ENTREP2: variants seen among roughly 807,000 people sequenced by gnomAD.
ENTREP2 encodes endosomal transmembrane epsin interactor 2, also known as protein ENTREP2.
At chr15:29,420,219 G>T in the ENTREP2 span, among the ~76,000 whole-genome samples, 2 of 152,184 alleles carry the variant, frequency 1.3e-5, no homozygotes, top group Non-Finnish European at 2.9e-5. Flanking sequence ...GCTAATCAAG[G>T]AAGTAGATAT....
At chr15:29,288,327 C>T in the ENTREP2 span, among the ~76,000 whole-genome samples, 2 of 152,144 alleles carry the variant, frequency 1.3e-5, no homozygotes, top group African/African-American at 2.4e-5. Context: ...GTCTGGGCCA[C>T]GTATGTCACA....
the ENTREP2 span, among the ~76,000 whole-genome samples, chr15:29,139,079 A>T: frequency 6.6e-6 from 1 of 152,080 alleles, no homozygotes; most frequent in African/African-American, 2.4e-5. Flanking sequence ...CAGCAGGGGT[A>T]GGGTGGGCTG....
chr15:29,476,308 C>A, the ENTREP2 span, among the ~76,000 whole-genome samples: 3 of 152,276 alleles, frequency 2.0e-5, no homozygotes, highest in African/African-American at 7.2e-5. Flanking sequence ...GACCACCTGC[C>A]ACTGCCACCC....
At chr15:29,126,980 C>T in the ENTREP2 span, among the ~76,000 whole-genome samples, 86 of 152,274 alleles carry the variant, frequency 5.6e-4, no homozygotes, top group South Asian at 4.1e-3. Flanking sequence ...AGGGTGTGGA[C>T]GCCACGCCAG....
chr15:29,471,363 C>T, the ENTREP2 span, among the ~76,000 whole-genome samples: 4 of 152,248 alleles, frequency 2.6e-5, no homozygotes, highest in African/African-American at 4.8e-5. Flanking sequence ...AGCGGCCCCT[C>T]GAGCTGCAGG....
chr15:29,510,101 T>C, the ENTREP2 span, among the ~76,000 whole-genome samples: 1,020 of 152,294 alleles, frequency 6.7e-3, 12 homozygotes, highest in Non-Finnish European at 0.011. Flanking sequence ...TATGAACAGA[T>C]ACTTTTCAAA....
chr15:29,665,749 A>T, the ENTREP2 span, among the ~76,000 whole-genome samples: 9 of 151,886 alleles, frequency 5.9e-5, no homozygotes, highest in African/African-American at 2.2e-4. Context: ...CTGTGGTTAA[A>T]CACATTTAGA....
the ENTREP2 span, among the ~76,000 whole-genome samples, chr15:29,211,750 A>T: frequency 6.6e-6 from 1 of 152,108 alleles, no homozygotes. Flanking sequence ...TGATTTTTGT[A>T]TTTAATTCTG....
At chr15:29,466,062 CA>C in the ENTREP2 span, among the ~76,000 whole-genome samples, 1 of 152,118 alleles carries the variant, frequency 6.6e-6, no homozygotes, top group African/African-American at 2.4e-5. Flanking sequence ...TCTGTACCGG[CA>C]GAGAGGGCAA....
At chr15:29,134,979 A>G in the ENTREP2 span, among the ~76,000 whole-genome samples, 1 of 152,004 alleles carries the variant, frequency 6.6e-6, no homozygotes, top group Admixed American at 6.6e-5. Context: ...ATCTGGGTAG[A>G]GATAACCATC....
chr15:29,654,832 C>T, the ENTREP2 span, among the ~76,000 whole-genome samples: 1 of 152,166 alleles, frequency 6.6e-6, no homozygotes, highest in Admixed American at 6.5e-5. Flanking sequence ...CTAATACCTC[C>T]TGTTGCAGCT....
chr15:29,314,810 G>C, the ENTREP2 span, among the ~76,000 whole-genome samples: 1 of 152,174 alleles, frequency 6.6e-6, no homozygotes, highest in Non-Finnish European at 1.5e-5. Context: ...CCAGCACTTT[G>C]GGAGGCCGAG....
At chr15:29,389,675 C>T in the ENTREP2 span, among the ~76,000 whole-genome samples, 2 of 152,234 alleles carry the variant, frequency 1.3e-5, no homozygotes, top group African/African-American at 4.8e-5. Context: ...CCGTGGGCAT[C>T]AGGCTCAGCC....
the ENTREP2 span, chr15:29,374,418 T>C: frequency 6.6e-5 from 10 of 152,178 alleles, no homozygotes; most frequent in African/African-American, 1.9e-4. Flanking sequence ...CTTTAATTTA[T>C]CATAGTTTAC....
the ENTREP2 span, among the ~76,000 whole-genome samples, chr15:29,306,277 G>A: frequency 6.6e-6 from 1 of 152,132 alleles, no homozygotes; most frequent in African/African-American, 2.4e-5. Flanking sequence ...CTCCTGAATT[G>A]GGCACAAGGA....
chr15:29,627,284 C>T, the ENTREP2 span, among the ~76,000 whole-genome samples: 1 of 152,096 alleles, frequency 6.6e-6, no homozygotes, highest in Non-Finnish European at 1.5e-5. Context: ...GTGGCTCACG[C>T]CTGTAATCCC....
the ENTREP2 span, among the ~76,000 whole-genome samples, chr15:29,624,867 TAATTTGTGTG>T: frequency 7.3e-6 from 1 of 137,668 alleles, no homozygotes; most frequent in African/African-American, 3.0e-5. Flanking sequence ...TACCCTGCAT[TAATTTGTGTG>T]TGTGTGTGTG....
the ENTREP2 span, among the ~76,000 whole-genome samples, chr15:29,293,854 A>G: frequency 6.6e-6 from 1 of 152,182 alleles, no homozygotes; most frequent in African/African-American, 2.4e-5. Flanking sequence ...TAGGGAATGG[A>G]ATTCTTTGGG....
At chr15:29,224,249 C>T in the ENTREP2 span, among the ~76,000 whole-genome samples, 3 of 152,126 alleles carry the variant, frequency 2.0e-5, no homozygotes, top group Non-Finnish European at 4.4e-5. Flanking sequence ...GGTTCGTGGT[C>T]TCACTGGCTT....
Sources: allele counts gnomAD v4.1 joint callset (sites outside exome capture counted in the v4.1 genomes callset), GRCh38; gene constraint gnomAD v4.1.1; transcripts MANE v1.5; gene names NCBI Gene and HGNC (gene_info 2026-07-23, HGNC 2026-07-21).